Variants in ADAMTSL3 observed in about 807,000 individuals in gnomAD.
The protein encoded by ADAMTSL3 is ADAMTS-like protein 3.
In ADAMTSL3, 128 loss-of-function variants were observed where a neutral mutation model predicts 201.7. That is an observed-to-expected ratio of 0.63 (90% confidence interval 0.55 to 0.73). The LOEUF is 0.73. Among genes scored for constraint, ADAMTSL3 ranks in the 30% least tolerant of loss-of-function variants. The probability of loss-of-function intolerance (pLI) is 0.00; values close to 1 mark genes in which losing one functional copy is unlikely to be tolerated. For synonymous variants in ADAMTSL3, 738 were observed against 748.4 expected (o/e 0.99, Z 0.23); for missense variants, 1,990 against 2,119.6 (o/e 0.94, Z 1.20).
At chr15:83,697,789 C>A (rs2061705533) in intron 2 of ADAMTSL3, among the ~76,000 whole-genome samples, 1 of 152,020 alleles carries the variant, frequency 6.6e-6, no homozygotes, top group Non-Finnish European at 1.5e-5. Context: ...TGGTTGATGA[C>A]CTCATTGGCC....
chr15:83,989,024 A>G (rs1321625663), intron 22 of ADAMTSL3, among the ~76,000 whole-genome samples: 2 of 151,814 alleles, frequency 1.3e-5, no homozygotes, highest in African/African-American at 4.8e-5. Context: ...TGGGGACTAC[A>G]GGCGCCCGCC....
In ADAMTSL3 at chr15:83,833,715, A is replaced by T. The variant is rs904024777; in HGVS notation, c.601-4374A>T. On this transcript the variant is annotated intron_variant, in intron 6 of 29. Coordinates refer to ENST00000286744, the MANE Select transcript of ADAMTSL3 (RefSeq NM_207517.3). ...TAAAGAACAGTCAGTTCAACAGATG[A>T]TTCATGCTTAGATGGCTTAGTACGG... Among the ~76,000 whole-genome samples, 5 of 152,304 alleles carry T rather than the reference A, an allele frequency of 3.3e-5. No individual in the cohort carries two copies. The South Asian group carries it at 1.0e-3, about 32-fold the overall frequency.
chr15:83,689,802 T>C, intron 2 of ADAMTSL3, among the ~76,000 whole-genome samples: 1 of 152,204 alleles, frequency 6.6e-6, no homozygotes, highest in East Asian at 1.9e-4. Context: ...TTCCTTTCTT[T>C]TACTATTCTT....
intron 4 of ADAMTSL3, among the ~76,000 whole-genome samples, chr15:83,781,968 G>T (rs2063176739): frequency 6.6e-6 from 1 of 152,218 alleles, no homozygotes; most frequent in Non-Finnish European, 1.5e-5. Flanking sequence ...TACGCTGTTG[G>T]TGGGAGTGTA....
intron 3 of ADAMTSL3, among the ~76,000 whole-genome samples, chr15:83,737,359 C>CG (rs2062383933): frequency 6.6e-6 from 1 of 152,104 alleles, no homozygotes; most frequent in Non-Finnish European, 1.5e-5. Context: ...CCCCAGCTGT[C>CG]GAAGGAGGAA....
chr15:83,721,426 A>G (rs530641170), intron 3 of ADAMTSL3, among the ~76,000 whole-genome samples: 1 of 152,228 alleles, frequency 6.6e-6, no homozygotes. Flanking sequence ...CCATCTGCAC[A>G]CAGGGAGAAC....
Position 83,704,522 on chromosome 15 carries a change from A to C in ADAMTSL3, c.189+14A>C. 6.2e-7 allele frequency: 1 copy of C among 1,613,974 alleles called. No individual in the cohort carries two copies. Among genetic ancestry groups the C allele is most frequent in the Non-Finnish European group, 8.5e-7 (1 of 1,179,970 alleles). On this transcript the variant is annotated intron_variant, in intron 3 of 29. Transcript: ENST00000286744. ...TATGATGACCAGGTAAGAACATTGG[A>C]CAAGGATCTACCTTTGGCTTTGCTG...
chr15:83,795,157 C>T (rs1247480881), intron 4 of ADAMTSL3, among the ~76,000 whole-genome samples: 1 of 151,962 alleles, frequency 6.6e-6, no homozygotes, highest in East Asian at 1.9e-4. Context: ...CCCAGCCGAT[C>T]TACATTTATT....
chr15:83,844,607 C>T (rs2064456201), intron 7 of ADAMTSL3, among the ~76,000 whole-genome samples: 1 of 152,138 alleles, frequency 6.6e-6, no homozygotes, highest in African/African-American at 2.4e-5. Flanking sequence ...GACCCTGTTC[C>T]TTTTAATGGA....
At chr15:83,709,518 T>G (rs934113501) in intron 3 of ADAMTSL3, among the ~76,000 whole-genome samples, 1 of 152,170 alleles carries the variant, frequency 6.6e-6, no homozygotes, top group Admixed American at 6.6e-5. Flanking sequence ...TCACTGCACA[T>G]GGTTCTTTTC....
intron 2 of ADAMTSL3, among the ~76,000 whole-genome samples, chr15:83,693,852 CAT>C (rs1689154962): frequency 6.6e-6 from 1 of 152,218 alleles, no homozygotes; most frequent in African/African-American, 2.4e-5. Context: ...GCTTAATAAA[CAT>C]ATGCTGAGTG....
intron 5 of ADAMTSL3, among the ~76,000 whole-genome samples, chr15:83,819,216 A>G (rs1477985513): frequency 2.0e-5 from 3 of 148,524 alleles, no homozygotes; most frequent in African/African-American, 7.4e-5. Context: ...GGTTGCAGTG[A>G]GCCGAGCCAC....
At chr15:83,938,604 T>C (rs921858959) in intron 17 of ADAMTSL3, among the ~76,000 whole-genome samples, 4 of 152,364 alleles carry the variant, frequency 2.6e-5, no homozygotes, top group African/African-American at 9.6e-5. Context: ...GGTGCAAGTT[T>C]TTTCTCTGGA....
At chr15:83,996,371 A>G (rs2067685805) in intron 23 of ADAMTSL3, among the ~76,000 whole-genome samples, 1 of 152,230 alleles carries the variant, frequency 6.6e-6, no homozygotes, top group South Asian at 2.1e-4. Context: ...CTGATCCCTG[A>G]AAGACATTGT....
intron 4 of ADAMTSL3, among the ~76,000 whole-genome samples, chr15:83,777,678 G>T (rs2063101471): frequency 6.6e-6 from 1 of 152,156 alleles, no homozygotes. Context: ...GAAAGAATCA[G>T]CACAAGAACC....
At chr15:83,858,629 T>A in intron 7 of ADAMTSL3, 137 bp from the exon 8 acceptor site, 1 of 635,498 alleles carries the variant, frequency 1.6e-6, no homozygotes, top group African/African-American at 1.9e-5. Flanking sequence ...TGCCTTGGCC[T>A]CCTGAAGTGC....
At chr15:83,829,431 G>A (rs984318256) in intron 6 of ADAMTSL3, among the ~76,000 whole-genome samples, 35 of 151,616 alleles carry the variant, frequency 2.3e-4, no homozygotes, top group East Asian at 2.1e-3. Context: ...TTCTTTATTA[G>A]TCTTGCTAGC....
rs776071172 is a variant in ADAMTSL3 at position 83,991,133 on chromosome 15, C to A, written c.3892C>A (p.His1298Asn). ...TGAAAGAAATATCACCAAACCAGAG[C>A]ACAACCATCTGTCTGTTGTGGTTGG... ...SVERNITKPE[H>N]NHLSVVVGGI... The change falls in exon 23 of 30, where the codon CAC (histidine) becomes AAC (asparagine). Residue 1298 changes from histidine to asparagine, a missense_variant. Physicochemically the swap from His to Asn is moderately conservative, Grantham distance 68 (BLOSUM62 1). Transcript: ENST00000286744. 6 of 1,614,216 alleles carry A rather than the reference C, an allele frequency of 3.7e-6. No individual in the cohort carries two copies. The Admixed American group carries it at 1.0e-4, about 27-fold the overall frequency.
At chr15:83,756,937 C>T (rs2062731017) in intron 3 of ADAMTSL3, among the ~76,000 whole-genome samples, 1 of 152,240 alleles carries the variant, frequency 6.6e-6, no homozygotes, top group Non-Finnish European at 1.5e-5. Context: ...CCATCTCTCA[C>T]ATCCAGGTCA....
Sources: gnomAD v4.1 joint callset for allele counts (sites outside exome capture counted in the v4.1 genomes callset) on GRCh38, gnomAD v4.1.1 for gene constraint, MANE v1.5 for transcripts, NCBI Gene and HGNC (gene_info 2026-07-23, HGNC 2026-07-21) for gene names.